DPP10: variants seen among roughly 807,000 people sequenced by gnomAD.
DPP10 encodes the protein dipeptidyl peptidase like 10.
A neutral mutation model predicts 120.9 loss-of-function variants in DPP10; 33 were observed. That is an observed-to-expected ratio of 0.27 (90% confidence interval 0.21 to 0.37). The LOEUF (loss-of-function observed/expected upper bound fraction) is 0.37. Among genes scored for constraint, DPP10 ranks in the 10% least tolerant of loss-of-function variants. The probability of loss-of-function intolerance (pLI) is 1.00; values close to 1 mark genes in which losing one functional copy is unlikely to be tolerated. For synonymous variants in DPP10, 337 were observed against 326.1 expected, an observed-to-expected ratio of 1.03 and a Z score of -0.36; for missense variants, 816 against 942.8, an observed-to-expected ratio of 0.87 and a Z score of 1.76.
chr2:115,558,780 T>G (rs2080377939), intron 5 of DPP10, among the ~76,000 whole-genome samples: 1 of 152,286 alleles, frequency 6.6e-6, no homozygotes, highest in African/African-American at 2.4e-5. Context: ...AACAAATAGG[T>G]AATTTTTATG....
chr2:114,903,171 G>A (rs949436660), intron 1 of DPP10, among the ~76,000 whole-genome samples: 1 of 152,034 alleles, frequency 6.6e-6, no homozygotes, highest in Admixed American at 6.6e-5. Flanking sequence ...ATTGTCTGAT[G>A]TACCACAGTT....
chr2:114,657,943 G>A (rs186177951), intron 1 of DPP10, among the ~76,000 whole-genome samples: 35 of 152,172 alleles, frequency 2.3e-4, no homozygotes, highest in Admixed American at 1.2e-3. Context: ...TCCAACCTAC[G>A]CATGTGTATA....
intron 1 of DPP10, chr2:114,462,044 G>A (rs1457123690): frequency 1.0e-6 from 1 of 985,218 alleles, no homozygotes; most frequent in African/African-American, 1.7e-5. Context: ...AGAGAAAACT[G>A]GAGCAGAGTG....
intron 1 of DPP10, among the ~76,000 whole-genome samples, chr2:114,866,321 C>T (rs1307372742): frequency 1.1e-4 from 17 of 151,694 alleles, no homozygotes; most frequent in Non-Finnish European, 1.5e-5. Flanking sequence ...TAGGCCTTTG[C>T]TTTTTATTTG....
intron 1 of DPP10, among the ~76,000 whole-genome samples, chr2:114,443,965 T>A (rs1241036047): frequency 6.6e-6 from 1 of 152,180 alleles, no homozygotes; most frequent in African/African-American, 2.4e-5. Flanking sequence ...CAGTGATAGA[T>A]AAACCATAAA....
At chr2:114,899,037 A>G (rs371109083) in intron 1 of DPP10, among the ~76,000 whole-genome samples, 1 of 152,106 alleles carries the variant, frequency 6.6e-6, no homozygotes, top group African/African-American at 2.4e-5. Context: ...CACAGGAAAA[A>G]TGCATATTAA....
rs708646 is a variant in DPP10 at position 115,439,206 on chromosome 2, G to A, written c.272-60304G>A. Among the ~76,000 whole-genome samples, 126 of 77,236 alleles carry A rather than the reference G, an allele frequency of 1.6e-3. 2 individuals carry two copies. Among genetic ancestry groups the A allele is most frequent in the East Asian group, 0.012 (17 of 1,442 alleles). The allele number at this position is 77,236 out of a possible 152,430, so 50.7% of individuals were successfully genotyped here. A position where few individuals can be genotyped will look rare whatever the true frequency, so the allele number is the denominator to read the frequency against. ...GGAATAGTGGCTAAGATGGTCATGG[G>A]AGCACAGTGTGGAATAGTGGCTAAG... is the stretch of plus-strand genomic sequence containing the variant. On this transcript the variant is annotated intron_variant, in intron 3 of 25. Transcript: ENST00000410059.
intron 3 of DPP10, among the ~76,000 whole-genome samples, chr2:115,386,820 A>T (rs537123232): frequency 6.6e-6 from 1 of 151,904 alleles, no homozygotes; most frequent in Non-Finnish European, 1.5e-5. Flanking sequence ...GGTGACATAT[A>T]TTGTTACCCT....
intron 1 of DPP10, among the ~76,000 whole-genome samples, chr2:115,093,108 G>C (rs2104570544): frequency 6.6e-6 from 1 of 152,292 alleles, no homozygotes; most frequent in East Asian, 1.9e-4. Flanking sequence ...CTTGAACTCA[G>C]TGAAGCAAAC....
chr2:114,780,808 T>C (rs1478330453), intron 1 of DPP10, among the ~76,000 whole-genome samples: 2 of 152,132 alleles, frequency 1.3e-5, no homozygotes, highest in Non-Finnish European at 2.9e-5. Flanking sequence ...TGAATTTTTA[T>C]CTTTAGTATC....
chr2:115,256,519 G>T (rs1206313839), intron 1 of DPP10, among the ~76,000 whole-genome samples: 1 of 152,214 alleles, frequency 6.6e-6, no homozygotes, highest in Non-Finnish European at 1.5e-5. Context: ...TCAGGGAGTA[G>T]TGTTCCGAGG....
At chr2:115,508,794 T>G (rs543291760) in intron 4 of DPP10, among the ~76,000 whole-genome samples, 1 of 152,274 alleles carries the variant, frequency 6.6e-6, no homozygotes, top group South Asian at 2.1e-4. Context: ...TCCCAGCTAC[T>G]CAGGAGGCTG....
intron 5 of DPP10, among the ~76,000 whole-genome samples, chr2:115,633,581 A>G (rs2086074407): frequency 6.6e-6 from 1 of 152,124 alleles, no homozygotes; most frequent in Admixed American, 6.5e-5. Flanking sequence ...AAAGTATAAA[A>G]AAAAAGAAAA....
intron 1 of DPP10, among the ~76,000 whole-genome samples, chr2:115,015,793 G>A (rs746583840): frequency 2.0e-5 from 3 of 152,010 alleles, no homozygotes; most frequent in Non-Finnish European, 4.4e-5. Flanking sequence ...AACTTATAAG[G>A]GATGTGAAGG....
At chr2:114,934,113 T>G (rs1368300544) in intron 1 of DPP10, among the ~76,000 whole-genome samples, 19 of 152,230 alleles carry the variant, frequency 1.2e-4, no homozygotes, top group Admixed American at 1.2e-3. Flanking sequence ...TGGGTCTTCC[T>G]TGAGTCCACT....
chr2:114,490,796 G>A (rs1475819792), intron 1 of DPP10, among the ~76,000 whole-genome samples: 1 of 151,416 alleles, frequency 6.6e-6, no homozygotes, highest in East Asian at 1.9e-4. Context: ...GGGGGCGGGG[G>A]GTAATGTGAA....
intron 1 of DPP10, among the ~76,000 whole-genome samples, chr2:114,900,406 A>G (rs993376237): frequency 6.6e-6 from 1 of 152,206 alleles, no homozygotes; most frequent in African/African-American, 2.4e-5. Context: ...ATGCATGAGC[A>G]TTCTGGTGAG....
At chr2:115,231,322 C>T (rs2105488125) in intron 1 of DPP10, among the ~76,000 whole-genome samples, 1 of 152,140 alleles carries the variant, frequency 6.6e-6, no homozygotes, top group South Asian at 2.1e-4. Flanking sequence ...TAATAGCATG[C>T]ATTCTATTTA....
intron 3 of DPP10, among the ~76,000 whole-genome samples, chr2:115,418,923 G>A (rs148815531): frequency 5.3e-5 from 8 of 152,250 alleles, no homozygotes; most frequent in Non-Finnish European, 8.8e-5. Flanking sequence ...GGCAGTCTGG[G>A]GGCAATATTC....
Sources: allele counts gnomAD v4.1 joint callset (sites outside exome capture counted in the v4.1 genomes callset), GRCh38; gene constraint gnomAD v4.1.1; transcripts MANE v1.5; gene names NCBI Gene and HGNC (gene_info 2026-07-23, HGNC 2026-07-21).